Variants in DUSP28 observed in about 807,000 individuals in gnomAD.
DUSP28 encodes dual specificity phosphatase 28.
Under a neutral mutation model 8.4 loss-of-function variants are expected in DUSP28, and 11 were observed. That is an observed-to-expected ratio of 1.31 (90% CI 0.83 to 2.17). The LOEUF (loss-of-function observed/expected upper bound fraction) is 2.17. Among genes scored for constraint, DUSP28 ranks in the 30% most tolerant of loss-of-function variants. DUSP28 has a pLI of 0.00. For missense variants in DUSP28, 373 were observed against 270.4 expected (o/e 1.38, Z -2.66); for synonymous variants, 178 against 130.9 (o/e 1.36, Z -2.46).
In DUSP28 at chr2:240,563,402, CTGTGTTAG is replaced by C. The variant is rs2092992566; in HGVS notation, c.*1936_*1943del. 6.6e-6 allele frequency: 1 copy of C among 152,244 alleles called. No homozygotes were observed. The highest frequency in any genetic ancestry group is 1.5e-5 in the Non-Finnish European group (1 of 68,046). 9.4% of individuals were successfully genotyped at this position (152,244 alleles called of 1,614,324 possible). A position where few individuals can be genotyped will look rare whatever the true frequency, so the allele number is the denominator to read the frequency against. ...TATTTTTGGTAGAGACGGGGTTTCACTGTGTTAGCCAGGATGGTCTCAATCTCCTGACC... is the reference window on the plus strand; with the variant it reads ...TATTTTTGGTAGAGACGGGGTTTCACCCAGGATGGTCTCAATCTCCTGACC... On this transcript the variant is annotated 3_prime_UTR_variant, in exon 2 of 2. Transcript: ENST00000405954.
At chr2:240,560,146 G>T (rs917172277), upstream of DUSP28, 1 of 152,582 alleles carries the variant, frequency 6.6e-6, no homozygotes, top group African/African-American at 2.4e-5. Context: ...ATTACAAAGC[G>T]GGCCACAAAA....
In DUSP28 at chr2:240,563,123, C is replaced by T. The variant is rs2092991288; in HGVS notation, c.*1656C>T. On this transcript the variant is annotated 3_prime_UTR_variant, in exon 2 of 2. Transcript: ENST00000405954. ...CATTGTCACTTTCTTAATCTCTGAT[C>T]TCTTGAGGTGATTTGACAGAATTCT... The T allele has an allele frequency of 6.6e-6, 1 of 152,302 alleles. No homozygotes were observed. Among genetic ancestry groups the T allele is most frequent in the African/African-American group, 2.4e-5 (1 of 41,452 alleles). 9.4% of individuals were successfully genotyped at this position (152,302 alleles called of 1,614,324 possible).
chr2:240,564,825 G>T lies in DUSP28; in HGVS notation c.*3358G>T, dbSNP rs796471174. ...AACATGGGAAGCCCCTCCTGTGACA[G>T]GCAGGGGAGAAGGAGGCTGTGCTGA... On this transcript the variant is annotated 3_prime_UTR_variant, in exon 2 of 2. Coordinates refer to ENST00000405954, the MANE Select transcript of DUSP28 (RefSeq NM_001370465.2). Among the ~76,000 whole-genome samples the T allele has an allele frequency of 1.3e-4, 20 of 152,332 alleles. 1 individual carries two copies. The highest frequency in any genetic ancestry group is 4.3e-4 in the African/African-American group (18 of 41,570).
chr2:240,561,466 G>C lies in DUSP28; in HGVS notation c.530G>C (p.Ter177SerextTer38), dbSNP rs1472671801. ...PPALGLGPEA[*>S] is the part of the protein sequence containing the mutation. ...GCCTTAGGGTTGGGCCCTGAGGCTTGAAGCTTGAAGGCCTGCTGCCTGGAG... is the reference window on the plus strand; with the variant it reads ...GCCTTAGGGTTGGGCCCTGAGGCTTCAAGCTTGAAGGCCTGCTGCCTGGAG... The change falls in exon 2 of 2, where the codon TGA becomes TCA. Residue 177 changes from the stop codon to serine, a stop_lost. Coordinates refer to ENST00000405954, the MANE Select transcript of DUSP28 (RefSeq NM_001370465.2). The C allele has an allele frequency of 1.2e-6, 2 of 1,612,426 alleles. No homozygotes were observed. Among genetic ancestry groups the C allele is most frequent in the East Asian group, 2.2e-5 (1 of 44,844 alleles).
Position 240,560,589 on chromosome 2 carries a change from C to A in DUSP28, c.-96C>A. 2.3e-6 allele frequency: 3 copies of A among 1,325,250 alleles called. No individual in the cohort carries two copies. The highest frequency in any genetic ancestry group is 2.9e-6 in the Non-Finnish European group (3 of 1,040,198). 82.1% of individuals were successfully genotyped at this position (1,325,250 alleles called of 1,614,324 possible). Reference sequence around the variant, plus strand: ...GCCTCTAGGACCCGGGGGCGCCCGGCGGCCCGCCCGGCTCCCACAAATAGA... The same window carrying A: ...GCCTCTAGGACCCGGGGGCGCCCGGAGGCCCGCCCGGCTCCCACAAATAGA... On this transcript the variant is annotated 5_prime_UTR_variant, in exon 1 of 2. Transcript: ENST00000405954.
upstream of DUSP28, chr2:240,560,346 G>T (rs767619312): frequency 1.9e-5 from 4 of 210,388 alleles, no homozygotes; most frequent in Non-Finnish European, 3.7e-5. Flanking sequence ...AGGGCGCTGC[G>T]CCCAAGAGCC....
chr2:240,560,610 A>G lies in DUSP28; in HGVS notation c.-75A>G, dbSNP rs2092892271. 2.9e-6 allele frequency: 4 copies of G among 1,357,008 alleles called. No individual in the cohort carries two copies. The highest frequency in any genetic ancestry group is 3.0e-5 in the East Asian group (1 of 33,252). 84.1% of individuals were successfully genotyped at this position (1,357,008 alleles called of 1,614,324 possible). ...CCGGCGGCCCGCCCGGCTCCCACAA[A>G]TAGACTCCTGGGCGGGCGCCTGAGC... On this transcript the variant is annotated 5_prime_UTR_variant, in exon 1 of 2. Transcript: ENST00000405954.
chr2:240,561,330 ATGG>A lies in DUSP28; in HGVS notation c.397_399del (p.Val133del), dbSNP rs770959470. The stretch of plus-strand genomic sequence containing the variant: ...TATTCAGTACACTTCTTGTTTGCAG[ATGG>A]TGAAGAGCGCTCGCCCGGTAGCAGA... On this transcript the variant is annotated inframe_deletion and splice_region_variant, in exon 2 of 2. Transcript: ENST00000405954. The A allele has an allele frequency of 2.5e-6, 4 of 1,613,824 alleles. No homozygotes were observed. The highest frequency in any genetic ancestry group is 2.2e-5 in the East Asian group (1 of 44,860).
At chr2:240,560,344 G>A, upstream of DUSP28, 1 of 208,118 alleles carries the variant, frequency 4.8e-6, no homozygotes, top group Non-Finnish European at 9.5e-6. Context: ...GCAGGGCGCT[G>A]CGCCCAAGAG....
In DUSP28 at chr2:240,564,150, T is replaced by C. The variant is rs546468091; in HGVS notation, c.*2683T>C. 8.5e-5 allele frequency: 13 copies of C among 152,404 alleles called. 1 individual carries two copies. Among genetic ancestry groups the C allele is most frequent in the South Asian group, 2.1e-4 (1 of 4,828 alleles). The allele number at this position is 152,404 out of a possible 1,614,324, so 9.4% of individuals were successfully genotyped here. On this transcript the variant is annotated 3_prime_UTR_variant, in exon 2 of 2. Coordinates refer to ENST00000405954, the MANE Select transcript of DUSP28 (RefSeq NM_001370465.2). ...CATCATCACCACTTTTGCTCAGTTATCAGTAGTAATAACAGCAATCAAAAC... is the reference window on the plus strand; with the variant it reads ...CATCATCACCACTTTTGCTCAGTTACCAGTAGTAATAACAGCAATCAAAAC...
chr2:240,561,532 C>A lies in DUSP28; in HGVS notation c.*65C>A. On this transcript the variant is annotated 3_prime_UTR_variant, in exon 2 of 2. Transcript: ENST00000405954. ...ACTGATACAGAAGGCTGGTCTTTAC[C>A]CTTCTTCCTCACTGTCATATCGAGT... 1 of 1,529,828 alleles carries A rather than the reference C, an allele frequency of 6.5e-7. No homozygotes were observed. Among genetic ancestry groups the A allele is most frequent in the Admixed American group, 2.2e-5 (1 of 46,038 alleles). The allele number at this position is 1,529,828 out of a possible 1,614,324, so 94.8% of individuals were successfully genotyped here.
In DUSP28 at chr2:240,561,515, A is replaced by G. The variant is rs1575429034; in HGVS notation, c.*48A>G. ...AGGAAGGATGTCCCTGCACTGATAC[A>G]GAAGGCTGGTCTTTACCCTTCTTCC... On this transcript the variant is annotated 3_prime_UTR_variant, in exon 2 of 2. Coordinates refer to ENST00000405954, the MANE Select transcript of DUSP28 (RefSeq NM_001370465.2). The G allele has an allele frequency of 4.5e-6, 7 of 1,572,562 alleles. No homozygotes were observed. The East Asian group carries it at 1.1e-4, about 25-fold the overall frequency.
chr2:240,561,271 T>G, intron 1 of DUSP28, 59 bp from the exon 2 acceptor site: 15 of 1,611,026 alleles, frequency 9.3e-6, no homozygotes, highest in Non-Finnish European at 1.3e-5. Flanking sequence ...TGGGCCCGCC[T>G]TGGCCCCTGC....
In DUSP28 at chr2:240,564,478, C is replaced by G. The variant is rs1040265084; in HGVS notation, c.*3011C>G. Among the ~76,000 whole-genome samples the G allele has an allele frequency of 1.2e-4, 19 of 152,244 alleles. No individual in the cohort carries two copies. The highest frequency in any genetic ancestry group is 4.6e-4 in the African/African-American group (19 of 41,474). ...GTCTGCGCATCAGACCACATGGACC[C>G]CTGCACCACCATCTGCTCCGTCCTC... On this transcript the variant is annotated 3_prime_UTR_variant, in exon 2 of 2. Transcript: ENST00000405954.
At position 240,563,218 on chromosome 2, in the gene DUSP28, T is replaced by C. The variant is rs1200191903; in HGVS notation, c.*1751T>C. ...ATCCACTGAGCATTTCTTTTTTTTT[T>C]TTCTTGAGACGGAGTCTCACTCTGG... On this transcript the variant is annotated 3_prime_UTR_variant, in exon 2 of 2. Coordinates refer to ENST00000405954, the MANE Select transcript of DUSP28 (RefSeq NM_001370465.2). 1 of 152,212 alleles carries C rather than the reference T, an allele frequency of 6.6e-6. No individual in the cohort carries two copies. Among genetic ancestry groups the C allele is most frequent in the Non-Finnish European group, 1.5e-5 (1 of 68,032 alleles). The allele number at this position is 152,212 out of a possible 1,614,324, so 9.4% of individuals were successfully genotyped here.
Position 240,560,812 on chromosome 2 carries a change from CG to C in DUSP28, c.131del (p.Gly44GlufsTer57), listed in dbSNP as rs2092919717. On this transcript the variant is annotated frameshift_variant, in exon 1 of 2. Transcript: ENST00000405954. LOFTEE classifies it high-confidence loss of function. ...GGCGCGGAGGAGCAGCTGGCGCGCG[CG>C]GGAGTCACGCTGTGCGTCAACGTCT... ...AAGAEEQLAR[A>X]GVTLCVNVSR... 1 of 1,437,832 alleles carries C rather than the reference CG, an allele frequency of 7.0e-7. No individual in the cohort carries two copies. The highest frequency in any genetic ancestry group is 9.1e-7 in the Non-Finnish European group (1 of 1,103,502). The allele number at this position is 1,437,832 out of a possible 1,614,324, so 89.1% of individuals were successfully genotyped here.
At position 240,562,486 on chromosome 2, in the gene DUSP28, G is replaced by A. The variant is rs1384180627; in HGVS notation, c.*1019G>A. The A allele has an allele frequency of 2.0e-5, 3 of 152,234 alleles. No homozygotes were observed. Among genetic ancestry groups the A allele is most frequent in the African/African-American group, 4.8e-5 (2 of 41,448 alleles). 9.4% of individuals were successfully genotyped at this position (152,234 alleles called of 1,614,324 possible). A position where few individuals can be genotyped will look rare whatever the true frequency, so the allele number is the denominator to read the frequency against. ...TGACAGAGTATGGTGTTCCTGTAGG[G>A]AAACAAAGCCAAGTTTTTTTGCTCC... On this transcript the variant is annotated 3_prime_UTR_variant, in exon 2 of 2. Transcript: ENST00000405954.
Position 240,561,496 on chromosome 2 carries a change from G to A in DUSP28, c.*29G>A. On this transcript the variant is annotated 3_prime_UTR_variant, in exon 2 of 2. Coordinates refer to ENST00000405954, the MANE Select transcript of DUSP28 (RefSeq NM_001370465.2). ...TTGAAGGCCTGCTGCCTGGAGGAAG[G>A]ATGTCCCTGCACTGATACAGAAGGC... is the stretch of plus-strand genomic sequence containing the variant. 1 of 1,606,492 alleles carries A rather than the reference G, an allele frequency of 6.2e-7. No individual in the cohort carries two copies. Among genetic ancestry groups the A allele is most frequent in the Non-Finnish European group, 8.5e-7 (1 of 1,177,372 alleles).
chr2:240,560,878 A>G lies in DUSP28; in HGVS notation c.194A>G (p.Glu65Gly), dbSNP rs1397140701. 1.4e-6 allele frequency: 2 copies of G among 1,439,408 alleles called. No homozygotes were observed. The highest frequency in any genetic ancestry group is 1.8e-6 in the Non-Finnish European group (2 of 1,089,372). 89.2% of individuals were successfully genotyped at this position (1,439,408 alleles called of 1,614,324 possible). Residue 65 changes from glutamate to glycine, a missense_variant, in exon 1 of 2, where the codon GAG becomes GGG. Transcript: ENST00000405954. The part of the protein sequence containing the change: ...QPGPRAPGVA[E>G]LRVPVFDDPA... ...GGCCCGCGCGCGCCCGGCGTGGCAG[A>G]GCTGCGCGTGCCCGTGTTCGACGAC... is the stretch of plus-strand genomic sequence containing the variant.
Sources: allele counts gnomAD v4.1 joint callset (sites outside exome capture counted in the v4.1 genomes callset), GRCh38; gene constraint gnomAD v4.1.1; transcripts MANE v1.5; gene names NCBI Gene and HGNC (gene_info 2026-07-23, HGNC 2026-07-21).